Variants in GPR39 observed in about 807,000 individuals in gnomAD.
The protein encoded by GPR39 is G protein-coupled receptor 39, also known as zinc sensing receptor.
A neutral mutation model predicts 18.4 loss-of-function variants in GPR39; 23 were observed. The observed-to-expected ratio is 1.25, with a 90% CI of 0.90 to 1.77. The LOEUF (loss-of-function observed/expected upper bound fraction) is 1.77, where lower values mean the gene tolerates loss of function less well. GPR39 is among the 40% of genes most tolerant of loss of function. GPR39 has a pLI of 0.00. For synonymous variants in GPR39, 280 were observed against 257.9 expected, an observed-to-expected ratio of 1.09 and a Z score of -0.82; for missense variants, 647 against 602.4, an observed-to-expected ratio of 1.07 and a Z score of -0.78.
rs1299383124 is a variant in GPR39 at position 132,540,436 on chromosome 2, C to G, written c.857-104665C>G. On this transcript the variant is annotated intron_variant, in intron 1 of 1. Coordinates refer to ENST00000329321, the MANE Select transcript of GPR39 (RefSeq NM_001508.3). ...CAGGGGCACTGCTAGACTGGAATGT[C>G]TCTACTGACTCCTTGGTTTTTCCCA... is the stretch of plus-strand genomic sequence containing the variant. Among the ~76,000 whole-genome samples, 3 of 152,110 alleles carry G rather than the reference C, an allele frequency of 2.0e-5. No individual in the cohort carries two copies. The East Asian group carries it at 5.8e-4, about 29-fold the overall frequency.
intron 1 of GPR39, among the ~76,000 whole-genome samples, chr2:132,450,262 C>T (rs886503444): frequency 3.9e-5 from 6 of 152,188 alleles, no homozygotes; most frequent in African/African-American, 1.2e-4. Context: ...CTAGGGCCAC[C>T]ACTGCTGATC....
At chr2:132,443,379 T>TAC (rs1680474400) in intron 1 of GPR39, among the ~76,000 whole-genome samples, 1 of 152,232 alleles carries the variant, frequency 6.6e-6, no homozygotes, top group Middle Eastern at 3.2e-3. Context: ...ATAAAAGCGA[T>TAC]ACACATTCGG....
chr2:132,528,430 T>A (rs1169405945), intron 1 of GPR39, among the ~76,000 whole-genome samples: 1 of 152,212 alleles, frequency 6.6e-6, no homozygotes, highest in Non-Finnish European at 1.5e-5. Context: ...TATGGTTCCA[T>A]ATGAAATTTA....
At position 132,645,706 on chromosome 2, in the gene GPR39, A is replaced by C; in HGVS notation, c.*100A>C. ...CAAACTATGCCCCCATCAGGGATGG[A>C]ATGGACACTGGAGGCTTTACAAAAG... On this transcript the variant is annotated 3_prime_UTR_variant, in exon 2 of 2. Transcript: ENST00000329321. The C allele has an allele frequency of 1.4e-6, 2 of 1,463,666 alleles. No homozygotes were observed. The highest frequency in any genetic ancestry group is 1.8e-6 in the Non-Finnish European group (2 of 1,091,200). 90.7% of individuals were successfully genotyped at this position (1,463,666 alleles called of 1,614,324 possible).
intron 1 of GPR39, among the ~76,000 whole-genome samples, chr2:132,634,685 C>T (rs981629992): frequency 6.6e-6 from 1 of 152,190 alleles, no homozygotes; most frequent in African/African-American, 2.4e-5. Flanking sequence ...TGGCAGCAGA[C>T]CCCAGCCTTA....
chr2:132,578,184 T>G (rs1268785923), intron 1 of GPR39, among the ~76,000 whole-genome samples: 1 of 152,068 alleles, frequency 6.6e-6, no homozygotes, highest in Non-Finnish European at 1.5e-5. Context: ...TACATTGATT[T>G]TATTTATTTT....
intron 1 of GPR39, among the ~76,000 whole-genome samples, chr2:132,604,281 G>A (rs961926561): frequency 1.3e-5 from 2 of 151,968 alleles, no homozygotes; most frequent in Non-Finnish European, 2.9e-5. Flanking sequence ...CTATCCCCTT[G>A]CCAGAATGAT....
chr2:132,425,984 G>A (rs374965528), intron 1 of GPR39, among the ~76,000 whole-genome samples: 9 of 152,122 alleles, frequency 5.9e-5, no homozygotes, highest in African/African-American at 2.2e-4. Context: ...TAATAAATAG[G>A]TGTTATTTTA....
At chr2:132,600,972 T>A (rs962990782) in intron 1 of GPR39, among the ~76,000 whole-genome samples, 1 of 152,166 alleles carries the variant, frequency 6.6e-6, no homozygotes, top group Admixed American at 6.5e-5. Flanking sequence ...ATCTCCAGTG[T>A]CCAGAATATG....
chr2:132,497,230 T>C (rs1681659168), intron 1 of GPR39, among the ~76,000 whole-genome samples: 1 of 152,166 alleles, frequency 6.6e-6, no homozygotes, highest in African/African-American at 2.4e-5. Context: ...ATAACCAACA[T>C]GTGACTCCTA....
intron 1 of GPR39, among the ~76,000 whole-genome samples, chr2:132,471,937 G>T (rs1681040575): frequency 6.6e-6 from 1 of 152,154 alleles, no homozygotes; most frequent in Non-Finnish European, 1.5e-5. Flanking sequence ...ATCAACTTCA[G>T]CAGGGATAGA....
intron 1 of GPR39, among the ~76,000 whole-genome samples, chr2:132,594,332 A>G (rs1215150273): frequency 4.6e-5 from 7 of 152,094 alleles, no homozygotes; most frequent in Admixed American, 4.6e-4. Context: ...CTCTCAGTCT[A>G]AAGAGTCTTG....
intron 1 of GPR39, among the ~76,000 whole-genome samples, chr2:132,520,494 G>T (rs1679402603): frequency 1.3e-5 from 2 of 152,164 alleles, no homozygotes; most frequent in Admixed American, 6.6e-5. Flanking sequence ...GGAAGATGAG[G>T]CATCACCTCT....
Position 132,530,838 on chromosome 2 carries a change from G to A in GPR39, c.856+112940G>A, listed in dbSNP as rs1182047858. Among the ~76,000 whole-genome samples, 3 of 152,258 alleles carry A rather than the reference G, an allele frequency of 2.0e-5. No homozygotes were observed. In the East Asian group the frequency reaches 5.8e-4, roughly 29 times the overall value. On this transcript the variant is annotated intron_variant, in intron 1 of 1. Coordinates refer to ENST00000329321, the MANE Select transcript of GPR39 (RefSeq NM_001508.3). ...TGTCACCACCAGGCCTGCCCTAAAA[G>A]AGCTCCTGAAGGAAGCACTAAACAT...
chr2:132,584,829 T>G (rs1026145789), intron 1 of GPR39, among the ~76,000 whole-genome samples: 1 of 152,230 alleles, frequency 6.6e-6, no homozygotes, highest in Non-Finnish European at 1.5e-5. Flanking sequence ...GGAATAAGCC[T>G]CTTGATTTGT....
rs760773625 is a variant in GPR39, at chr2:132,417,255, C to T, written c.213C>T (p.His71=). Residue 71 remains histidine (H), a synonymous_variant, in exon 1 of 2, where the codon CAC becomes CAT. Coordinates refer to ENST00000329321, the MANE Select transcript of GPR39 (RefSeq NM_001508.3). ...ACTTGCAGAAGGAGGTGACAGACCA[C>T]ATGGTGAGTTTGGCTTGCTCGGACA... ...KGYLQKEVTD[H]MVSLACSDIL... is the part of the protein sequence containing the mutation. The T allele has an allele frequency of 4.2e-5, 67 of 1,614,070 alleles. 1 individual carries two copies. Among genetic ancestry groups the T allele is most frequent in the Admixed American group, 6.7e-5 (4 of 60,000 alleles).
intron 1 of GPR39, among the ~76,000 whole-genome samples, chr2:132,574,214 G>C (rs16836267): frequency 0.017 from 2,650 of 152,216 alleles, 96 homozygotes; most frequent in African/African-American, 0.061. Flanking sequence ...AGGCAGTGTT[G>C]AATGAATGTT....
At chr2:132,458,829 A>G (rs978448956) in intron 1 of GPR39, among the ~76,000 whole-genome samples, 2 of 152,134 alleles carry the variant, frequency 1.3e-5, no homozygotes, top group African/African-American at 4.8e-5. Flanking sequence ...TCCAGTCAAT[A>G]AAGATGAGCA....
intron 1 of GPR39, among the ~76,000 whole-genome samples, chr2:132,618,784 G>C (rs1020961759): frequency 6.6e-6 from 1 of 152,130 alleles, no homozygotes; most frequent in African/African-American, 2.4e-5. Context: ...ACCTTTAAAG[G>C]CCGGCTTCAC....
Sources: allele counts gnomAD v4.1 joint callset (sites outside exome capture counted in the v4.1 genomes callset), GRCh38; gene constraint gnomAD v4.1.1; transcripts MANE v1.5; gene names NCBI Gene and HGNC (gene_info 2026-07-23, HGNC 2026-07-21).